The following NIBAN2 variants were observed in gnomAD, a reference collection of about 807,000 sequenced individuals.
NIBAN2 encodes the protein protein Niban 2.
Under a neutral mutation model 81.8 loss-of-function variants are expected in NIBAN2, and 36 were observed. The ratio of observed to expected loss-of-function variants is 0.44; its 90% CI spans 0.34 to 0.58. The LOEUF (loss-of-function observed/expected upper bound fraction) is 0.58. NIBAN2 is among the 20% of genes least tolerant of loss of function. The probability of loss-of-function intolerance (pLI) is 0.02; values close to 1 mark genes in which losing one functional copy is unlikely to be tolerated. For missense variants in NIBAN2, 897 were observed against 1,014.1 expected, an observed-to-expected ratio of 0.88 and a Z score of 1.57; for synonymous variants, 445 against 441.6, an observed-to-expected ratio of 1.01 and a Z score of -0.10.
At chr9:127,564,123 T>C (rs1429345258) in intron 1 of NIBAN2, among the ~76,000 whole-genome samples, 3 of 151,856 alleles carry the variant, frequency 2.0e-5, no homozygotes, top group African/African-American at 7.3e-5. Flanking sequence ...TAAAACCCCA[T>C]CTCTACTAAA....
intron 1 of NIBAN2, among the ~76,000 whole-genome samples, chr9:127,553,715 C>A (rs1837618325): frequency 6.6e-6 from 1 of 152,166 alleles, no homozygotes; most frequent in Non-Finnish European, 1.5e-5. Context: ...ACCCTGGGGA[C>A]CTGGAGCTCT....
intron 1 of NIBAN2, among the ~76,000 whole-genome samples, chr9:127,547,473 C>T (rs999000268): frequency 5.3e-5 from 8 of 151,638 alleles, no homozygotes; most frequent in African/African-American, 1.5e-4. Context: ...GCTGAGATCG[C>T]GCCACTGCAC....
rs1395183484 is a variant in NIBAN2 at position 127,545,920 on chromosome 9, A to G, written c.56-14142T>C. 2.0e-5 allele frequency among the ~76,000 whole-genome samples: 3 copies of G among 151,664 alleles called. No individual in the cohort carries two copies. Among genetic ancestry groups the G allele is most frequent in the Non-Finnish European group, 2.9e-5 (2 of 67,878 alleles). ...GCAGCGGCCCCAGCCCACAGCCCAC[A>G]GTGGCAGCTTGTTCTGGGAGCCCAG... On this transcript the variant is annotated intron_variant, in intron 1 of 13. Coordinates refer to ENST00000373312, the MANE Select transcript of NIBAN2 (RefSeq NM_022833.4). The surrounding 1 kb of genome is among the most constrained non-coding windows in gnomAD (Gnocchi z 4.7).
rs1371747019 is a variant in NIBAN2 at position 127,524,245 on chromosome 9, G to C, written c.422-399C>G. 2.6e-5 allele frequency among the ~76,000 whole-genome samples: 4 copies of C among 152,198 alleles called. No homozygotes were observed. The East Asian group carries it at 5.8e-4, about 22-fold the overall frequency. ...CAAAGTGTGGCTTAAGTGTCCACAG[G>C]GGGAGGGAGGCATGTGGGGAGGGAC... On this transcript the variant is annotated intron_variant, in intron 4 of 13. Transcript: ENST00000373312.
At chr9:127,548,401 G>A (rs1445205910) in intron 1 of NIBAN2, among the ~76,000 whole-genome samples, 4 of 152,162 alleles carry the variant, frequency 2.6e-5, no homozygotes, top group Non-Finnish European at 5.9e-5. Context: ...CACCAGAGAT[G>A]CTGGTTGGGA....
intron 1 of NIBAN2, among the ~76,000 whole-genome samples, chr9:127,551,025 G>C (rs1837565857): frequency 6.6e-6 from 1 of 152,120 alleles, no homozygotes; most frequent in Admixed American, 6.6e-5. Context: ...CTCTGCTTCT[G>C]TGTTCCCATT....
chr9:127,578,190 C>CA (rs35548393), intron 1 of NIBAN2, among the ~76,000 whole-genome samples: 3,368 of 110,070 alleles, frequency 0.031, 60 homozygotes, highest in African/African-American at 0.057. Flanking sequence ...GACTCCATCT[C>CA]AAAAAAAAAA....
chr9:127,537,426 A>G (rs1251162233), intron 1 of NIBAN2, among the ~76,000 whole-genome samples: 1 of 152,252 alleles, frequency 6.6e-6, no homozygotes, highest in Non-Finnish European at 1.5e-5. Context: ...ATAGTTTGAA[A>G]TAATCCAATA....
At position 127,507,219 on chromosome 9, in the gene NIBAN2, C is replaced by A; in HGVS notation, c.1867G>T (p.Val623Phe). Residue 623 changes from valine to phenylalanine, a missense_variant, in exon 14 of 14, where the codon GTC becomes TTC. This residue lies in a region of NIBAN2 where 619 missense variants were observed against 691.0 expected (regional missense o/e 0.90). Coordinates refer to ENST00000373312, the MANE Select transcript of NIBAN2 (RefSeq NM_022833.4). This position sits in a 1 kb window ranked among gnomAD's most constrained non-coding sequence, Gnocchi z 6.8. ...SEKRRRAKQV[V>F]SVVQDEEVGL... is the part of the protein sequence containing the mutation. ...ACCTCCTCATCCTGGACCACAGAGA[C>A]CACCTGCTTGGCGCGCCGTCGCTTT... 1.2e-6 allele frequency: 2 copies of A among 1,612,490 alleles called. No homozygotes were observed. The highest frequency in any genetic ancestry group is 1.7e-6 in the Non-Finnish European group (2 of 1,179,316).
At position 127,525,166 on chromosome 9, in the gene NIBAN2, G is replaced by A. The variant is rs1438086313; in HGVS notation, c.316-3C>T. ...GGTGGGACCTGCCGCTCATAGGCCTGAGGGAGGCAAGAGAGAGGGTCCCTG... is the reference window on the plus strand; with the variant it reads ...GGTGGGACCTGCCGCTCATAGGCCTAAGGGAGGCAAGAGAGAGGGTCCCTG... On this transcript the variant is annotated splice_region_variant and splice_polypyrimidine_tract_variant and intron_variant, in intron 3 of 13. Coordinates refer to ENST00000373312, the MANE Select transcript of NIBAN2 (RefSeq NM_022833.4). 6.2e-7 allele frequency: 1 copy of A among 1,612,992 alleles called. No homozygotes were observed. The highest frequency in any genetic ancestry group is 8.5e-7 in the Non-Finnish European group (1 of 1,179,058).
At position 127,516,718 on chromosome 9, in the gene NIBAN2, C is replaced by T. The variant is rs145036246; in HGVS notation, c.973+139G>A. On this transcript the variant is annotated intron_variant, in intron 8 of 13. Coordinates refer to ENST00000373312, the MANE Select transcript of NIBAN2 (RefSeq NM_022833.4). ...AAACAACTCACAGGGGTTGGAGTAC[C>T]ACAGTGCAGATTTGGCTCTAATTCT... The T allele has an allele frequency of 3.0e-3, 2,705 of 894,368 alleles. 36 individuals are homozygous for T. In the East Asian group the frequency reaches 0.043, roughly 14 times the overall value. 55.4% of individuals were successfully genotyped at this position (894,368 alleles called of 1,614,324 possible).
chr9:127,549,482 T>A (rs1270089262), intron 1 of NIBAN2, among the ~76,000 whole-genome samples: 1 of 152,128 alleles, frequency 6.6e-6, no homozygotes, highest in East Asian at 1.9e-4. Context: ...CACACACATG[T>A]ACACTCACAC....
At chr9:127,524,963 T>C in intron 4 of NIBAN2, 95 bp downstream of exon 4, 3 of 903,258 alleles carry the variant, frequency 3.3e-6, no homozygotes, top group South Asian at 1.5e-5. Flanking sequence ...TCCGCAAACA[T>C]GGGGCTGAAA....
chr9:127,525,950 T>C (rs979348403), intron 3 of NIBAN2, among the ~76,000 whole-genome samples: 1 of 152,194 alleles, frequency 6.6e-6, no homozygotes, highest in Non-Finnish European at 1.5e-5. Flanking sequence ...AAAGCAGTTC[T>C]GATGGAATAG....
At chr9:127,534,616 AG>A (rs1028377577) in intron 1 of NIBAN2, among the ~76,000 whole-genome samples, 3 of 152,064 alleles carry the variant, frequency 2.0e-5, no homozygotes, top group African/African-American at 7.2e-5. Flanking sequence ...ATGGGGGTGG[AG>A]GGATGCCCCC....
At chr9:127,569,221 C>A (rs1201916407), upstream of NIBAN2, 23 of 401,696 alleles carry the variant, frequency 5.7e-5, no homozygotes, top group Admixed American at 1.6e-3. Flanking sequence ...GCCCTCGGTC[C>A]TGCACCCCCC....
chr9:127,558,105 T>C (rs1436107131), intron 1 of NIBAN2, among the ~76,000 whole-genome samples: 3 of 150,120 alleles, frequency 2.0e-5, no homozygotes, highest in South Asian at 2.1e-4. Context: ...GGGAGGGGAG[T>C]GTGGCTTTGG....
At chr9:127,523,561 T>C in intron 5 of NIBAN2, 118 bp downstream of exon 5, 1 of 974,792 alleles carries the variant, frequency 1.0e-6, no homozygotes, top group Non-Finnish European at 1.5e-6. Flanking sequence ...GAAGGGAAAT[T>C]AGAACAGCCT....
intron 8 of NIBAN2, among the ~76,000 whole-genome samples, chr9:127,515,345 C>T (rs1471432337): frequency 5.3e-5 from 8 of 151,790 alleles, no homozygotes; most frequent in Non-Finnish European, 1.2e-4. Flanking sequence ...ACGGTGAAAC[C>T]TTGTCTGTAC....
Sources: gnomAD v4.1 joint callset for allele counts (sites outside exome capture counted in the v4.1 genomes callset) on GRCh38, gnomAD v4.1.1 for gene constraint, gnomAD v4.1.1 regional missense constraint, Gnocchi (gnomAD v3.1) non-coding constraint, MANE v1.5 for transcripts, NCBI Gene and HGNC (gene_info 2026-07-23, HGNC 2026-07-21) for gene names.